The following LRBA variants were observed in gnomAD, a reference collection of about 807,000 sequenced individuals.
LRBA encodes LPS responsive beige-like anchor protein.
A neutral mutation model predicts 330.0 loss-of-function variants in LRBA; 176 were observed. The observed-to-expected ratio is 0.53, with a 90% CI of 0.47 to 0.60. The LOEUF is 0.60. Among genes scored for constraint, LRBA ranks in the 20% least tolerant of loss-of-function variants. LRBA has a pLI of 0.00. For synonymous variants in LRBA, 1,230 were observed against 1,193.0 expected, an observed-to-expected ratio of 1.03 and a Z score of -0.64; for missense variants, 3,259 against 3,444.8, an observed-to-expected ratio of 0.95 and a Z score of 1.35.
At chr4:150,697,757 C>T (rs1407342811) in intron 36 of LRBA, among the ~76,000 whole-genome samples, 2 of 151,944 alleles carry the variant, frequency 1.3e-5, no homozygotes, top group African/African-American at 4.8e-5. Flanking sequence ...CAAAACAACA[C>T]ACCTGAATAT....
At chr4:150,639,939 C>T (rs1318187008) in intron 37 of LRBA, among the ~76,000 whole-genome samples, 1 of 143,986 alleles carries the variant, frequency 6.9e-6, no homozygotes, top group Non-Finnish European at 1.5e-5. Flanking sequence ...TCACTGCAAC[C>T]TCCCCCTCCC....
chr4:150,827,443 T>C (rs1198984378), intron 30 of LRBA, among the ~76,000 whole-genome samples: 1 of 152,160 alleles, frequency 6.6e-6, no homozygotes, highest in African/African-American at 2.4e-5. Context: ...TCTCCAACTC[T>C]GCTACCTCAA....
intron 27 of LRBA, 30 bp from the exon 28 acceptor site, chr4:150,844,237 A>G (rs754476604): frequency 2.0e-6 from 2 of 999,782 alleles, no homozygotes; most frequent in African/African-American, 3.3e-5. Flanking sequence ...AATTGTATAT[A>G]TATATATTCA....
intron 42 of LRBA, among the ~76,000 whole-genome samples, chr4:150,479,921 T>A (rs1257622471): frequency 6.6e-6 from 1 of 152,136 alleles, no homozygotes; most frequent in Non-Finnish European, 1.5e-5. Flanking sequence ...ACTACTAACA[T>A]CCTAGCTGAT....
chr4:150,907,222 C>T (rs1304919969), intron 11 of LRBA, among the ~76,000 whole-genome samples: 3 of 89,128 alleles, frequency 3.4e-5, no homozygotes, highest in South Asian at 5.1e-4. Flanking sequence ...AATTTCAATA[C>T]GGGGGGAGGG....
intron 44 of LRBA, among the ~76,000 whole-genome samples, chr4:150,455,063 G>A (rs1380157576): frequency 6.6e-6 from 1 of 150,754 alleles, no homozygotes; most frequent in African/African-American, 2.4e-5. Context: ...CCATGCTGGT[G>A]CGCTGCACCC....
At chr4:150,568,044 G>A (rs1009730670) in intron 40 of LRBA, among the ~76,000 whole-genome samples, 2 of 152,100 alleles carry the variant, frequency 1.3e-5, no homozygotes, top group Non-Finnish European at 2.9e-5. Context: ...TGTGGCTCAC[G>A]CCTGTAATCC....
intron 37 of LRBA, among the ~76,000 whole-genome samples, chr4:150,654,542 A>G (rs1347221559): frequency 6.6e-6 from 1 of 151,946 alleles, no homozygotes; most frequent in Non-Finnish European, 1.5e-5. Flanking sequence ...TATCGCCTTA[A>G]AGTCATTTTT....
At chr4:150,597,560 T>C (rs1773645151) in intron 38 of LRBA, among the ~76,000 whole-genome samples, 1 of 151,878 alleles carries the variant, frequency 6.6e-6, no homozygotes, top group Admixed American at 6.6e-5. Context: ...ATCTCAGAAC[T>C]CACAAATTAC....
Position 150,392,940 on chromosome 4 carries a change from G to A in LRBA, c.7194+22498C>T, listed in dbSNP as rs115748090. 6.3e-4 allele frequency among the ~76,000 whole-genome samples: 95 copies of A among 151,206 alleles called. No homozygotes were observed. In the East Asian group the frequency reaches 0.011, roughly 17 times the overall value. ...TAGATGACGGGTTAAAAGGTGCAGC[G>A]AACCACCATGGCACATGTATACCTA... On this transcript the variant is annotated intron_variant, in intron 47 of 56. Transcript: ENST00000651943.
chr4:150,435,139 G>A (rs998383429), intron 46 of LRBA, among the ~76,000 whole-genome samples: 1 of 151,964 alleles, frequency 6.6e-6, no homozygotes, highest in African/African-American at 2.4e-5. Context: ...GAGGTCAGGA[G>A]TTCCAGACCA....
intron 34 of LRBA, among the ~76,000 whole-genome samples, chr4:150,796,246 A>C (rs1430366574): frequency 6.6e-6 from 1 of 151,974 alleles, no homozygotes; most frequent in Non-Finnish European, 1.5e-5. Flanking sequence ...AGAAAAAGAC[A>C]GTTCACTTCT....
chr4:150,390,063 A>G (rs938433117), intron 47 of LRBA, among the ~76,000 whole-genome samples: 1 of 152,120 alleles, frequency 6.6e-6, no homozygotes, highest in African/African-American at 2.4e-5. Flanking sequence ...TCTAATGGGT[A>G]ATTCTTCATG....
chr4:150,686,377 C>A (rs1274893999), intron 36 of LRBA, among the ~76,000 whole-genome samples: 1 of 152,002 alleles, frequency 6.6e-6, no homozygotes, highest in Non-Finnish European at 1.5e-5. Flanking sequence ...TGACCCAAAC[C>A]ACAGAAGAGT....
chr4:150,476,114 T>C (rs191774563), intron 42 of LRBA, among the ~76,000 whole-genome samples: 2 of 152,318 alleles, frequency 1.3e-5, no homozygotes, highest in African/African-American at 4.8e-5. Flanking sequence ...ATTTTTGTTA[T>C]AATCTTCATT....
chr4:150,877,497 T>A (rs1188242011), intron 17 of LRBA, among the ~76,000 whole-genome samples: 1 of 152,200 alleles, frequency 6.6e-6, no homozygotes, highest in Admixed American at 6.5e-5. Flanking sequence ...TAAATATATA[T>A]GCACCCAATA....
chr4:150,579,442 G>T, intron 40 of LRBA: 2 of 417,988 alleles, frequency 4.8e-6, no homozygotes, highest in South Asian at 3.5e-5. Flanking sequence ...TTGCTCGAAT[G>T]ATGTTTCTAA....
chr4:150,678,970 C>T (rs1483321127), intron 37 of LRBA, among the ~76,000 whole-genome samples: 1 of 151,538 alleles, frequency 6.6e-6, no homozygotes, highest in Non-Finnish European at 1.5e-5. Flanking sequence ...AATTTCACTA[C>T]AAATTCATTG....
At chr4:150,315,438 G>A in intron 51 of LRBA, 123 bp downstream of exon 51, 1 of 809,482 alleles carries the variant, frequency 1.2e-6, no homozygotes, top group Non-Finnish European at 2.1e-6. Context: ...CAATTTGCAT[G>A]CAAATGGTTT....
Sources: gnomAD v4.1 joint callset for allele counts (sites outside exome capture counted in the v4.1 genomes callset) on GRCh38, gnomAD v4.1.1 for gene constraint, MANE v1.5 for transcripts, NCBI Gene and HGNC (gene_info 2026-07-23, HGNC 2026-07-21) for gene names.